The following FERMT2 variants were observed in gnomAD, a reference collection of about 807,000 sequenced individuals.
FERMT2 encodes FERM domain containing kindlin 2, also known as fermitin family homolog 2.
Under a neutral mutation model 82.7 loss-of-function variants are expected in FERMT2, and 15 were observed. The ratio of observed to expected loss-of-function variants is 0.18; its 90% confidence interval spans 0.12 to 0.28. The LOEUF (loss-of-function observed/expected upper bound fraction) is 0.28, where lower values mean the gene tolerates loss of function less well. FERMT2 is among the 10% of genes least tolerant of loss of function. The probability of loss-of-function intolerance (pLI) is 1.00; values close to 1 mark genes in which losing one functional copy is unlikely to be tolerated. For missense variants in FERMT2, 645 were observed against 809.4 expected, an observed-to-expected ratio of 0.80 and a Z score of 2.46; for synonymous variants, 274 against 271.5, an observed-to-expected ratio of 1.01 and a Z score of -0.09.
At chr14:52,925,374 A>G (rs1595002836) in intron 2 of FERMT2, among the ~76,000 whole-genome samples, 1 of 152,050 alleles carries the variant, frequency 6.6e-6, no homozygotes, top group East Asian at 1.9e-4. Context: ...CCTGGCCAAT[A>G]TGGTGAAACC....
chr14:52,885,070 TGA>T (rs765963948), intron 4 of FERMT2, among the ~76,000 whole-genome samples: 4 of 151,892 alleles, frequency 2.6e-5, no homozygotes, highest in Middle Eastern at 3.2e-3. Context: ...GCCCGCACTT[TGA>T]GAGGCCAAGG....
At chr14:52,913,945 G>A (rs997784880) in intron 3 of FERMT2, among the ~76,000 whole-genome samples, 1 of 152,108 alleles carries the variant, frequency 6.6e-6, no homozygotes, top group Non-Finnish European at 1.5e-5. Flanking sequence ...TCTTGTCTCA[G>A]AGAGTGACAA....
Position 52,950,622 on chromosome 14 carries a change from A to T in FERMT2, c.-9-45T>A, listed in dbSNP as rs149673698. The T allele has an allele frequency of 4.5e-6, 7 of 1,573,002 alleles. No homozygotes were observed. The East Asian group carries it at 1.6e-4, about 36-fold the overall frequency. On this transcript the variant is annotated intron_variant, in intron 1 of 14. Transcript: ENST00000341590. Reference sequence around the variant, plus strand: ...GGCTCTCGTAAGCGTCACTCCCCCAAAGAAAGGCGAATCCCACCGAATTCG... The same window carrying T: ...GGCTCTCGTAAGCGTCACTCCCCCATAGAAAGGCGAATCCCACCGAATTCG...
intron 6 of FERMT2, among the ~76,000 whole-genome samples, chr14:52,879,498 G>A (rs1886168522): frequency 6.6e-6 from 1 of 152,020 alleles, no homozygotes; most frequent in Non-Finnish European, 1.5e-5. Flanking sequence ...TTCAAATTAG[G>A]AATGCTCAAC....
chr14:52,890,690 G>A (rs1370617180), intron 4 of FERMT2, among the ~76,000 whole-genome samples: 4 of 147,614 alleles, frequency 2.7e-5, no homozygotes, highest in African/African-American at 7.5e-5. Flanking sequence ...TGCAACCTCC[G>A]CCTCCCAGGT....
chr14:52,938,741 A>G (rs898625629), intron 2 of FERMT2, among the ~76,000 whole-genome samples: 2 of 152,004 alleles, frequency 1.3e-5, no homozygotes, highest in African/African-American at 4.8e-5. Flanking sequence ...TAATTTTTGT[A>G]TTTTTAGTAG....
chr14:52,928,010 A>T, intron 2 of FERMT2: 1 of 389,922 alleles, frequency 2.6e-6, no homozygotes, highest in South Asian at 1.8e-5. Flanking sequence ...AAGTTGATCA[A>T]ATAACTTACT....
At chr14:52,921,492 G>A (rs1028693956) in intron 2 of FERMT2, among the ~76,000 whole-genome samples, 2 of 152,176 alleles carry the variant, frequency 1.3e-5, no homozygotes, top group Non-Finnish European at 1.5e-5. Flanking sequence ...TTCTAGCACA[G>A]AATTTGCCAA....
In FERMT2 at chr14:52,946,093, T is replaced by C. The variant is rs562058509; in HGVS notation, c.157+4319A>G. Among the ~76,000 whole-genome samples, 3 of 152,198 alleles carry C rather than the reference T, an allele frequency of 2.0e-5. No individual in the cohort carries two copies. In the East Asian group the frequency reaches 5.8e-4, roughly 29 times the overall value. On this transcript the variant is annotated intron_variant, in intron 2 of 14. Coordinates refer to ENST00000341590, the MANE Select transcript of FERMT2 (RefSeq NM_006832.3). ...GGTTTCACCATATTGGCCAGGCTGGTCTCGAGCTCCTAACCTTCTGATCTG... is the reference window on the plus strand; with the variant it reads ...GGTTTCACCATATTGGCCAGGCTGGCCTCGAGCTCCTAACCTTCTGATCTG...
intron 12 of FERMT2, chr14:52,861,449 CCTTTAAAGT>C (rs1436118836): frequency 5.1e-4 from 83 of 163,126 alleles, no homozygotes; most frequent in Non-Finnish European, 1.7e-4. Context: ...TATCCAAAAG[CCTTTAAAGT>C]CTTCTCAGAT....
chr14:52,859,746 C>T, intron 13 of FERMT2, 32 bp from the exon 14 acceptor site: 1 of 1,404,018 alleles, frequency 7.1e-7, no homozygotes, highest in Non-Finnish European at 9.8e-7. Flanking sequence ...CGGTTAAAAA[C>T]ATGTTGTGGG....
chr14:52,874,123 T>A, intron 9 of FERMT2, 54 bp downstream of exon 9: 2 of 1,157,538 alleles, frequency 1.7e-6, no homozygotes, highest in Non-Finnish European at 2.5e-6. Flanking sequence ...AATGTGACCA[T>A]GACTATAAAG....
chr14:52,926,411 A>AACACACACACAC (rs34726532), intron 2 of FERMT2, among the ~76,000 whole-genome samples: 26 of 146,974 alleles, frequency 1.8e-4, no homozygotes, highest in African/African-American at 6.6e-4. Flanking sequence ...GACCAAGTGC[A>AACACACACACAC]ACACACACAC....
rs372279187 is a variant in FERMT2 at position 52,864,866 on chromosome 14, A to C, written c.1274-13T>G. The C allele has an allele frequency of 1.4e-6, 2 of 1,457,866 alleles. No individual in the cohort carries two copies. The highest frequency in any genetic ancestry group is 1.9e-6 in the Non-Finnish European group (2 of 1,051,062). The allele number at this position is 1,457,866 out of a possible 1,614,324, so 90.3% of individuals were successfully genotyped here. The stretch of plus-strand genomic sequence containing the variant: ...GTAACTTCACATCCTGTAACAAAAA[A>C]TTTTTATTAAAATGGCTAAATTTAC... On this transcript the variant is annotated splice_polypyrimidine_tract_variant and intron_variant, in intron 10 of 14. Transcript: ENST00000341590.
At chr14:52,947,278 G>T (rs1890400044) in intron 2 of FERMT2, among the ~76,000 whole-genome samples, 1 of 152,184 alleles carries the variant, frequency 6.6e-6, no homozygotes, top group Non-Finnish European at 1.5e-5. Context: ...AGGAGATCAA[G>T]ACCATCCCGG....
intron 2 of FERMT2, 75 bp downstream of exon 2, chr14:52,950,337 C>G: frequency 6.8e-7 from 1 of 1,461,052 alleles, no homozygotes; most frequent in Non-Finnish European, 9.4e-7. Flanking sequence ...GGGCCCCTCC[C>G]CCGTCGTGAG....
At chr14:52,944,648 T>G (rs1890244115) in intron 2 of FERMT2, among the ~76,000 whole-genome samples, 1 of 152,234 alleles carries the variant, frequency 6.6e-6, no homozygotes, top group Non-Finnish European at 1.5e-5. Context: ...ACTAGCTATT[T>G]TCCACTTCTG....
intron 2 of FERMT2, among the ~76,000 whole-genome samples, chr14:52,931,524 A>G (rs532590014): frequency 1.6e-4 from 24 of 152,278 alleles, no homozygotes; most frequent in African/African-American, 3.6e-4. Flanking sequence ...AGGTGAAGAG[A>G]AGGAGGCAAA....
chr14:52,860,804 A>C (rs1384714095), intron 12 of FERMT2: 1 of 600,978 alleles, frequency 1.7e-6, no homozygotes, highest in Non-Finnish European at 2.9e-6. Flanking sequence ...TTTTAATTAA[A>C]TTTAGCACTA....
Sources: gnomAD v4.1 joint callset for allele counts (sites outside exome capture counted in the v4.1 genomes callset) on GRCh38, gnomAD v4.1.1 for gene constraint, MANE v1.5 for transcripts, NCBI Gene and HGNC (gene_info 2026-07-23, HGNC 2026-07-21) for gene names.